Variants in MARCHF1 observed in about 807,000 individuals in gnomAD.
MARCHF1 encodes the protein membrane associated ring-CH-type finger 1, also known as E3 ubiquitin-protein ligase MARCHF1.
In MARCHF1, 40 loss-of-function variants were observed where a neutral mutation model predicts 54.2. The ratio of observed to expected loss-of-function variants is 0.74; its 90% confidence interval spans 0.57 to 0.96. The LOEUF is 0.96. Among genes scored for constraint, MARCHF1 ranks in the 40% least tolerant of loss-of-function variants. The probability of loss-of-function intolerance (pLI) is 0.00; values close to 1 mark genes in which losing one functional copy is unlikely to be tolerated. For synonymous variants in MARCHF1, 236 were observed against 236.3 expected, an observed-to-expected ratio of 1.00 and a Z score of 0.01; for missense variants, 586 against 656.5, an observed-to-expected ratio of 0.89 and a Z score of 1.17.
chr4:164,159,493 AT>A (rs1019149627), intron 1 of MARCHF1, among the ~76,000 whole-genome samples: 19 of 152,320 alleles, frequency 1.2e-4, no homozygotes, highest in African/African-American at 4.6e-4. Context: ...AACCAAAAAA[AT>A]GAATGAATTC....
At chr4:163,563,948 T>C (rs543220803) in intron 8 of MARCHF1, among the ~76,000 whole-genome samples, 151 of 152,300 alleles carry the variant, frequency 9.9e-4, no homozygotes, top group African/African-American at 3.6e-3. Context: ...TGCCAAAACA[T>C]TTCTATGGAT....
intron 4 of MARCHF1, among the ~76,000 whole-genome samples, chr4:163,707,429 G>A (rs2111246631): frequency 6.6e-6 from 1 of 152,006 alleles, no homozygotes; most frequent in East Asian, 1.9e-4. Flanking sequence ...CACAAAAAAA[G>A]GAATTACATA....
chr4:164,117,813 T>C (rs932203790), intron 1 of MARCHF1, among the ~76,000 whole-genome samples: 4 of 151,942 alleles, frequency 2.6e-5, no homozygotes, highest in African/African-American at 4.8e-5. Flanking sequence ...GGCCGGAGAA[T>C]TACCTCAACC....
chr4:164,135,619 T>A (rs1756384441), intron 1 of MARCHF1: 1 of 152,186 alleles, frequency 6.6e-6, no homozygotes, highest in South Asian at 2.1e-4. Context: ...AAGGCCCCCA[T>A]GATTCAATCA....
intron 1 of MARCHF1, among the ~76,000 whole-genome samples, chr4:164,133,538 A>T (rs1756343267): frequency 6.6e-6 from 1 of 152,214 alleles, no homozygotes; most frequent in Non-Finnish European, 1.5e-5. Flanking sequence ...ACAAATATAA[A>T]CACAAATCTA....
At chr4:164,047,880 T>G (rs1368227890) in intron 2 of MARCHF1, among the ~76,000 whole-genome samples, 1 of 152,192 alleles carries the variant, frequency 6.6e-6, no homozygotes, top group Non-Finnish European at 1.5e-5. Context: ...ATTTTCTCAT[T>G]GATTTTCCTC....
At chr4:163,951,708 T>A (rs756005032) in intron 3 of MARCHF1, among the ~76,000 whole-genome samples, 1 of 152,164 alleles carries the variant, frequency 6.6e-6, no homozygotes, top group African/African-American at 2.4e-5. Context: ...CCTAGAAAGG[T>A]CTTGTGGATA....
intron 3 of MARCHF1, among the ~76,000 whole-genome samples, chr4:163,934,454 G>A (rs570321092): frequency 1.3e-5 from 2 of 151,436 alleles, no homozygotes; most frequent in African/African-American, 4.8e-5. Context: ...AGCTACTCAG[G>A]AGGCTGAGGT....
At chr4:164,234,982 G>A (rs1732507206) in intron 1 of MARCHF1, 2 of 152,024 alleles carry the variant, frequency 1.3e-5, no homozygotes, top group Non-Finnish European at 2.9e-5. Context: ...ATCAGGCTAA[G>A]GTATCCATAC....
chr4:163,742,430 CCTTT>C (rs1746232072), intron 4 of MARCHF1, among the ~76,000 whole-genome samples: 1 of 130,368 alleles, frequency 7.7e-6, no homozygotes, highest in African/African-American at 2.8e-5. Flanking sequence ...TTCCTTCCTT[CCTTT>C]TCTTTCTTTT....
At chr4:163,781,541 A>T (rs1747466558) in intron 4 of MARCHF1, among the ~76,000 whole-genome samples, 1 of 152,232 alleles carries the variant, frequency 6.6e-6, no homozygotes, top group South Asian at 2.1e-4. Context: ...AATTATTTAG[A>T]TGTCCTGACT....
chr4:164,060,740 T>C (rs1412716142), intron 2 of MARCHF1, among the ~76,000 whole-genome samples: 2 of 152,132 alleles, frequency 1.3e-5, no homozygotes, highest in Non-Finnish European at 2.9e-5. Context: ...TTTCACTCAA[T>C]ATAAATAAAA....
At position 163,726,207 on chromosome 4, in the gene MARCHF1, T is replaced by A. The variant is rs567508614; in HGVS notation, c.112-25344A>T. Among the ~76,000 whole-genome samples the A allele has an allele frequency of 2.2e-4, 34 of 152,280 alleles. 1 individual carries two copies. The South Asian group carries it at 7.0e-3, about 32-fold the overall frequency. On this transcript the variant is annotated intron_variant, in intron 4 of 9. Transcript: ENST00000514618. ...TTTGACAAATGTATGATAACATGTA[T>A]CCACCATCATAGTATTATATGTTAA...
At chr4:163,642,034 A>G (rs894688469) in intron 5 of MARCHF1, among the ~76,000 whole-genome samples, 1 of 152,310 alleles carries the variant, frequency 6.6e-6, no homozygotes, top group Admixed American at 6.5e-5. Flanking sequence ...ATGCTGCCTC[A>G]TTCTTCAGTG....
chr4:164,161,623 A>G (rs1730242468), intron 1 of MARCHF1, among the ~76,000 whole-genome samples: 1 of 152,098 alleles, frequency 6.6e-6, no homozygotes, highest in Non-Finnish European at 1.5e-5. Flanking sequence ...CATTGATGAC[A>G]ACTTTCATCT....
intron 4 of MARCHF1, among the ~76,000 whole-genome samples, chr4:163,810,355 CCAA>C (rs1176609059): frequency 6.6e-6 from 1 of 152,108 alleles, no homozygotes; most frequent in East Asian, 1.9e-4. Context: ...TTTAGAATGG[CCAA>C]CAACATTCAT....
At chr4:164,077,699 TC>T (rs1338698904) in intron 2 of MARCHF1, among the ~76,000 whole-genome samples, 1 of 151,160 alleles carries the variant, frequency 6.6e-6, no homozygotes, top group African/African-American at 2.4e-5. Flanking sequence ...AAACAAACAA[TC>T]CCATCAAAAA....
intron 3 of MARCHF1, among the ~76,000 whole-genome samples, chr4:163,886,344 G>C (rs528555705): frequency 6.8e-6 from 1 of 147,818 alleles, no homozygotes; most frequent in Non-Finnish European, 1.5e-5. Flanking sequence ...TAGATAGATA[G>C]ATAGATATAG....
At chr4:163,988,041 A>T (rs981974417) in intron 3 of MARCHF1, among the ~76,000 whole-genome samples, 22 of 152,226 alleles carry the variant, frequency 1.4e-4, no homozygotes, top group Non-Finnish European at 8.8e-5. Flanking sequence ...CATGTTATGT[A>T]TTCAGTGTCA....
Sources: allele counts gnomAD v4.1 joint callset (sites outside exome capture counted in the v4.1 genomes callset), GRCh38; gene constraint gnomAD v4.1.1; transcripts MANE v1.5; gene names NCBI Gene and HGNC (gene_info 2026-07-23, HGNC 2026-07-21).